Variants in ABI3BP observed in about 807,000 individuals in gnomAD.
The protein encoded by ABI3BP is ABI family member 3 binding protein.
ABI3BP carries 216 observed loss-of-function variants against 268.6 expected under a neutral mutation model. The ratio of observed to expected loss-of-function variants is 0.80; its 90% CI spans 0.72 to 0.90. ABI3BP has a LOEUF of 0.90. ABI3BP is among the 40% of genes least tolerant of loss of function. The probability of loss-of-function intolerance (pLI) is 0.00; values close to 1 mark genes in which losing one functional copy is unlikely to be tolerated. For synonymous variants in ABI3BP, 730 were observed against 730.0 expected (o/e 1.00, Z 0.00); for missense variants, 2,090 against 2,182.4 (o/e 0.96, Z 0.84).
At chr3:100,882,075 C>T (rs1458668364) in intron 6 of ABI3BP, among the ~76,000 whole-genome samples, 4 of 152,092 alleles carry the variant, frequency 2.6e-5, no homozygotes, top group Admixed American at 1.3e-4. Context: ...TTTTCCATTC[C>T]GAATACCTCT....
chr3:100,800,332 C>A (rs1425621249), intron 51 of ABI3BP, among the ~76,000 whole-genome samples: 2 of 151,876 alleles, frequency 1.3e-5, no homozygotes, highest in Admixed American at 1.3e-4. Flanking sequence ...ATTTTAATGT[C>A]TCCTAATTGT....
chr3:100,879,601 T>G (rs1209034536), intron 6 of ABI3BP, among the ~76,000 whole-genome samples: 1 of 152,228 alleles, frequency 6.6e-6, no homozygotes, highest in East Asian at 1.9e-4. Context: ...GCTCTTCACA[T>G]GAATGGAACA....
intron 2 of ABI3BP, among the ~76,000 whole-genome samples, chr3:100,905,395 AAAACTT>A (rs1319145913): frequency 6.6e-6 from 1 of 152,202 alleles, no homozygotes; most frequent in Non-Finnish European, 1.5e-5. Flanking sequence ...CAGGTACCCT[AAAACTT>A]AAAGTATAAT....
At chr3:100,905,038 T>G (rs1025454802) in intron 2 of ABI3BP, among the ~76,000 whole-genome samples, 9 of 152,132 alleles carry the variant, frequency 5.9e-5, no homozygotes, top group Non-Finnish European at 8.8e-5. Context: ...TAGACTGGAT[T>G]AAGAAAATGT....
rs1178381611 is a variant in ABI3BP, at chr3:100,840,070, A to G, written c.1897+2T>C. ...TAATTGGAACCTGAATATCACATTT[A>G]CCGGGTTTGGACTTGGGCACTTCTG... On this transcript the variant is annotated splice_donor_variant, in intron 23 of 67. Coordinates refer to ENST00000471714, the MANE Select transcript of ABI3BP (RefSeq NM_001375547.2). LOFTEE classifies it high-confidence loss of function. 8 of 1,367,668 alleles carry G rather than the reference A, an allele frequency of 5.8e-6. No individual in the cohort carries two copies. In the African/African-American group the frequency reaches 7.9e-5, roughly 14 times the overall value. The allele number at this position is 1,367,668 out of a possible 1,614,324, so 84.7% of individuals were successfully genotyped here.
rs760467550 is a variant in ABI3BP at position 100,838,191 on chromosome 3, C to T, written c.2083+19G>A. 8.5e-6 allele frequency: 13 copies of T among 1,527,168 alleles called. No homozygotes were observed. The highest frequency in any genetic ancestry group is 2.4e-5 in the South Asian group (2 of 83,774). 94.6% of individuals were successfully genotyped at this position (1,527,168 alleles called of 1,614,324 possible). A position where few individuals can be genotyped will look rare whatever the true frequency, so the allele number is the denominator to read the frequency against. ...CAAAGAAAATCCTGTTAAGCTAAAGCACTGGAAATTATGTTTACCGGATTT... is the reference window on the plus strand; with the variant it reads ...CAAAGAAAATCCTGTTAAGCTAAAGTACTGGAAATTATGTTTACCGGATTT... On this transcript the variant is annotated intron_variant, in intron 26 of 67. Coordinates refer to ENST00000471714, the MANE Select transcript of ABI3BP (RefSeq NM_001375547.2).
intron 1 of ABI3BP, among the ~76,000 whole-genome samples, chr3:100,978,698 A>C (rs112003522): frequency 1.5e-4 from 23 of 152,222 alleles, no homozygotes; most frequent in Admixed American, 6.5e-5. Flanking sequence ...ATTCAACAAC[A>C]GAAAGCACAA....
chr3:100,937,541 G>C (rs1201128194), intron 1 of ABI3BP, among the ~76,000 whole-genome samples: 1 of 151,958 alleles, frequency 6.6e-6, no homozygotes, highest in East Asian at 1.9e-4. Context: ...ATGCCGTTAC[G>C]CTACTGTAGA....
chr3:100,919,824 C>T (rs564551076), intron 2 of ABI3BP, among the ~76,000 whole-genome samples: 8 of 152,218 alleles, frequency 5.3e-5, no homozygotes, highest in African/African-American at 1.9e-4. Flanking sequence ...ACAGACTTTT[C>T]CAGGTATATA....
intron 57 of ABI3BP, 134 bp from the exon 58 acceptor site, chr3:100,780,343 G>A (rs572590904): frequency 9.7e-6 from 7 of 723,768 alleles, no homozygotes; most frequent in African/African-American, 5.5e-5. Context: ...GACATTTTAC[G>A]GGCTTCTACT....
rs564595054 is a variant in ABI3BP at position 100,778,370 on chromosome 3, C to T, written c.4247G>A (p.Arg1416His). 57 of 1,585,636 alleles carry T rather than the reference C, an allele frequency of 3.6e-5. No homozygotes were observed. The highest frequency in any genetic ancestry group is 8.8e-5 in the African/African-American group (6 of 68,278). The change falls in exon 59 of 68, where the codon CGC (arginine) becomes CAC (histidine). Residue 1416 changes from arginine to histidine, a missense_variant. Arg to His is a conservative substitution (Grantham distance 29, BLOSUM62 0). Transcript: ENST00000471714. ...AGGTCTGGGTGGCAAGGGTGGGCGG[C>T]GAGTCCCTGGGATTGTGGATAAGAG... ...STHPTKKPGT[R>H]RPPLPPRPTH...
At chr3:100,781,477 A>G (rs141901447) in intron 57 of ABI3BP, among the ~76,000 whole-genome samples, 1 of 152,260 alleles carries the variant, frequency 6.6e-6, no homozygotes, top group African/African-American at 2.4e-5. Context: ...GACTTTTGTG[A>G]CTAATCTCAT....
At chr3:100,763,545 AG>A (rs1049357890) in intron 63 of ABI3BP, among the ~76,000 whole-genome samples, 4 of 152,142 alleles carry the variant, frequency 2.6e-5, no homozygotes, top group Non-Finnish European at 5.9e-5. Flanking sequence ...GATAGGTTTT[AG>A]GGGTCCTCCT....
intron 6 of ABI3BP, among the ~76,000 whole-genome samples, chr3:100,882,602 C>T (rs914074944): frequency 6.6e-6 from 1 of 152,006 alleles, no homozygotes; most frequent in African/African-American, 2.4e-5. Context: ...TACTCCACCT[C>T]ACAGCTTGAA....
chr3:100,817,322 G>T, intron 42 of ABI3BP, 114 bp downstream of exon 42: 1 of 672,598 alleles, frequency 1.5e-6, no homozygotes, highest in Non-Finnish European at 2.4e-6. Flanking sequence ...TTGAAGGATA[G>T]CAGAAGATGA....
At chr3:100,853,468 C>G (rs2098891070) in intron 14 of ABI3BP, among the ~76,000 whole-genome samples, 1 of 152,122 alleles carries the variant, frequency 6.6e-6, no homozygotes, top group Non-Finnish European at 1.5e-5. Flanking sequence ...AAAAACTTTG[C>G]CAACTTGTAT....
Position 100,993,215 on chromosome 3 carries a change from G to C in ABI3BP, c.79+91C>G, listed in dbSNP as rs3732896. On this transcript the variant is annotated intron_variant, in intron 1 of 67. Coordinates refer to ENST00000471714, the MANE Select transcript of ABI3BP (RefSeq NM_001375547.2). ...TCTGCAGAATAACTCTATTCCCCCC[G>C]TATGGTAAAGCAGATCATATTTAAA... 227 of 917,538 alleles carry C rather than the reference G, an allele frequency of 2.5e-4. No individual in the cohort carries two copies. In the East Asian group the frequency reaches 3.8e-3, roughly 15 times the overall value. 56.8% of individuals were successfully genotyped at this position (917,538 alleles called of 1,614,324 possible). A position where few individuals can be genotyped will look rare whatever the true frequency, so the allele number is the denominator to read the frequency against.
chr3:100,906,143 T>A (rs1042341291), intron 2 of ABI3BP, among the ~76,000 whole-genome samples: 3 of 152,238 alleles, frequency 2.0e-5, no homozygotes, highest in Non-Finnish European at 2.9e-5. Context: ...TTCCTTCATA[T>A]GGATTAATTA....
At chr3:100,903,693 G>T (rs1216189889) in intron 2 of ABI3BP, among the ~76,000 whole-genome samples, 1 of 152,176 alleles carries the variant, frequency 6.6e-6, no homozygotes, top group Non-Finnish European at 1.5e-5. Flanking sequence ...AGGCCTTCTT[G>T]CCCAAGGCTT....
Sources: gnomAD v4.1 joint callset for allele counts (sites outside exome capture counted in the v4.1 genomes callset) on GRCh38, gnomAD v4.1.1 for gene constraint, MANE v1.5 for transcripts, NCBI Gene and HGNC (gene_info 2026-07-23, HGNC 2026-07-21) for gene names.